ARSK: variants seen among roughly 807,000 people sequenced by gnomAD.
ARSK encodes arylsulfatase family member K, also known as arylsulfatase K.
A neutral mutation model predicts 53.2 loss-of-function variants in ARSK; 37 were observed. The ratio of observed to expected loss-of-function variants is 0.70; its 90% CI spans 0.54 to 0.92. ARSK has a LOEUF of 0.92. Ranked by LOEUF, ARSK falls within the 40% of genes least tolerant of loss-of-function variation. ARSK has a pLI of 0.00. For missense variants in ARSK, 613 were observed against 643.0 expected, an observed-to-expected ratio of 0.95 and a Z score of 0.51; for synonymous variants, 208 against 223.2, an observed-to-expected ratio of 0.93 and a Z score of 0.61.
chr5:95,579,163 C>A (rs1384829887), intron 3 of ARSK, among the ~76,000 whole-genome samples: 1 of 152,132 alleles, frequency 6.6e-6, no homozygotes, highest in Non-Finnish European at 1.5e-5. Context: ...GAAAAAAATT[C>A]TTAAACTGTG....
chr5:95,562,215 A>T (rs1748647927), intron 1 of ARSK, among the ~76,000 whole-genome samples: 1 of 138,798 alleles, frequency 7.2e-6, no homozygotes, highest in African/African-American at 3.2e-5. Flanking sequence ...TGTCTCAAAA[A>T]AAATAAATAA....
intron 3 of ARSK, among the ~76,000 whole-genome samples, chr5:95,573,582 C>G (rs1316476163): frequency 1.3e-5 from 2 of 152,158 alleles, no homozygotes; most frequent in East Asian, 1.9e-4. Context: ...AGAAATTAAA[C>G]AAGCTGCTGT....
At chr5:95,602,407 T>C (rs1170479539) in intron 7 of ARSK, among the ~76,000 whole-genome samples, 1 of 152,228 alleles carries the variant, frequency 6.6e-6, no homozygotes, top group Non-Finnish European at 1.5e-5. Flanking sequence ...CTGTACTTTT[T>C]AGGGCTTATT....
rs1749469451 is a variant in ARSK at position 95,604,621 on chromosome 5, C to T, written c.*1095C>T. ...ATATTTAGCAAAATTACACTAGATACTACAAATTACCTCTAAAGAAGGTAT... is the reference window on the plus strand; with the variant it reads ...ATATTTAGCAAAATTACACTAGATATTACAAATTACCTCTAAAGAAGGTAT... On this transcript the variant is annotated 3_prime_UTR_variant, in exon 8 of 8. Transcript: ENST00000380009. 6.6e-6 allele frequency: 1 copy of T among 151,772 alleles called. No homozygotes were observed. The highest frequency in any genetic ancestry group is 2.4e-5 in the African/African-American group (1 of 41,258). 9.4% of individuals were successfully genotyped at this position (151,772 alleles called of 1,614,324 possible).
At position 95,600,961 on chromosome 5, in the gene ARSK, T is replaced by C; in HGVS notation, c.1211T>C (p.Leu404Pro). The C allele has an allele frequency of 6.2e-7, 1 of 1,614,122 alleles. No individual in the cohort carries two copies. The highest frequency in any genetic ancestry group is 8.5e-7 in the Non-Finnish European group (1 of 1,179,958). ...KVKNLHPPWI[L>P]SEFHGCNVNA... ...AAAAACCTGCATCCACCCTGGATTC[T>C]GAGTGAATTCCATGGATGTAATGTG... The change falls in exon 7 of 8, where the codon CTG becomes CCG. Residue 404 changes from leucine to proline, a missense_variant. Transcript: ENST00000380009.
intron 3 of ARSK, among the ~76,000 whole-genome samples, chr5:95,579,628 A>C (rs138551046): frequency 5.3e-5 from 8 of 152,360 alleles, no homozygotes; most frequent in African/African-American, 1.9e-4. Flanking sequence ...TAGCAAGGAT[A>C]TAAAGAACTG....
At position 95,604,420 on chromosome 5, in the gene ARSK, C is replaced by T. The variant is rs1412956716; in HGVS notation, c.*894C>T. The T allele has an allele frequency of 6.6e-6, 1 of 152,242 alleles. No individual in the cohort carries two copies. The highest frequency in any genetic ancestry group is 1.9e-4 in the East Asian group (1 of 5,208). The allele number at this position is 152,242 out of a possible 1,614,324, so 9.4% of individuals were successfully genotyped here. A position where few individuals can be genotyped will look rare whatever the true frequency, so the allele number is the denominator to read the frequency against. ...CCCCTCCAAGAAGCAAGTACCGAAA[C>T]CACCTGCTTACGCATTTTTAGAGAT... On this transcript the variant is annotated 3_prime_UTR_variant, in exon 8 of 8. Coordinates refer to ENST00000380009, the MANE Select transcript of ARSK (RefSeq NM_198150.3).
intron 3 of ARSK, among the ~76,000 whole-genome samples, chr5:95,581,190 C>G (rs182696991): frequency 2.6e-4 from 39 of 152,028 alleles, no homozygotes; most frequent in African/African-American, 8.4e-4. Flanking sequence ...TTACAGTAGG[C>G]CAAAATTAAC....
intron 3 of ARSK, among the ~76,000 whole-genome samples, chr5:95,571,450 T>C (rs894492223): frequency 3.3e-5 from 5 of 152,238 alleles, no homozygotes. Context: ...AGTTTATTAT[T>C]TGATAAACAT....
intron 3 of ARSK, among the ~76,000 whole-genome samples, chr5:95,579,812 C>G (rs930308424): frequency 1.3e-5 from 2 of 152,154 alleles, no homozygotes; most frequent in African/African-American, 4.8e-5. Flanking sequence ...ACTGAAGCCT[C>G]TCTAAGTTTG....
At chr5:95,582,250 G>C (rs529684971) in intron 3 of ARSK, among the ~76,000 whole-genome samples, 10 of 152,114 alleles carry the variant, frequency 6.6e-5, no homozygotes, top group African/African-American at 2.4e-4. Context: ...GAAAAATCAA[G>C]CAGTCAGATA....
At chr5:95,567,757 G>C (rs1748749994) in intron 2 of ARSK, 133 bp from the exon 3 acceptor site, 1 of 731,774 alleles carries the variant, frequency 1.4e-6, no homozygotes, top group Non-Finnish European at 2.1e-6. Flanking sequence ...GTTTGGTAAG[G>C]CACCTAATCT....
chr5:95,597,853 C>T (rs1216965291), intron 6 of ARSK, among the ~76,000 whole-genome samples: 1 of 148,654 alleles, frequency 6.7e-6, no homozygotes, highest in Non-Finnish European at 1.5e-5. Flanking sequence ...AAGATTGCGC[C>T]ACTGCACTCC....
At chr5:95,594,805 A>G (rs1749277000) in intron 6 of ARSK, among the ~76,000 whole-genome samples, 1 of 151,604 alleles carries the variant, frequency 6.6e-6, no homozygotes, top group Non-Finnish European at 1.5e-5. Context: ...GTGCCACTGC[A>G]CTCCAGCCTG....
At chr5:95,570,916 G>A (rs1156488543) in intron 3 of ARSK, among the ~76,000 whole-genome samples, 2 of 152,048 alleles carry the variant, frequency 1.3e-5, no homozygotes, top group Non-Finnish European at 2.9e-5. Flanking sequence ...TGAGTAGCTG[G>A]GATCATAGGC....
intron 1 of ARSK, among the ~76,000 whole-genome samples, chr5:95,560,368 CCAGAA>C (rs1748607626): frequency 6.6e-6 from 1 of 151,092 alleles, no homozygotes; most frequent in Non-Finnish European, 1.5e-5. Flanking sequence ...TTCAAGGGAC[CCAGAA>C]TAGCCAAAAA....
intron 5 of ARSK, among the ~76,000 whole-genome samples, chr5:95,588,626 G>T (rs893246563): frequency 1.3e-5 from 2 of 152,152 alleles, no homozygotes; most frequent in Non-Finnish European, 2.9e-5. Context: ...AAGGCACTAT[G>T]TTGGGCACTG....
chr5:95,601,088 A>AT lies in ARSK; in HGVS notation c.1321+22dup. The AT allele has an allele frequency of 6.3e-7, 1 of 1,589,698 alleles. No homozygotes were observed. The highest frequency in any genetic ancestry group is 8.6e-7 in the Non-Finnish European group (1 of 1,158,150). On this transcript the variant is annotated intron_variant, in intron 7 of 7. Transcript: ENST00000380009. ...AACTCTTTGGTAAGTTTGTTAATAT[A>AT]TTTTTAAGTGTAATATTATGTGTAA... is the stretch of plus-strand genomic sequence containing the variant.
intron 3 of ARSK, among the ~76,000 whole-genome samples, chr5:95,579,759 A>C (rs1748991413): frequency 2.6e-5 from 4 of 152,218 alleles, no homozygotes; most frequent in Non-Finnish European, 5.9e-5. Flanking sequence ...AAAGAGTTGA[A>C]GTAGACATTG....
Sources: allele counts gnomAD v4.1 joint callset (sites outside exome capture counted in the v4.1 genomes callset), GRCh38; gene constraint gnomAD v4.1.1; transcripts MANE v1.5; gene names NCBI Gene and HGNC (gene_info 2026-07-23, HGNC 2026-07-21).